Variants in NAGS observed in about 807,000 individuals in gnomAD.
The protein encoded by NAGS is N-acetylglutamate synthase, mitochondrial.
Under a neutral mutation model 46.9 loss-of-function variants are expected in NAGS, and 34 were observed. The ratio of observed to expected loss-of-function variants is 0.72; its 90% CI spans 0.55 to 0.97. NAGS has a LOEUF of 0.97. Ranked by LOEUF, NAGS falls within the 50% of genes least tolerant of loss-of-function variation. NAGS has a pLI of 0.00. For missense variants in NAGS, 665 were observed against 747.0 expected (o/e 0.89, Z 1.28); for synonymous variants, 334 against 346.3 (o/e 0.96, Z 0.39).
Position 44,006,166 on chromosome 17 carries a change from GC to G in NAGS, c.846del (p.Lys283ArgfsTer25). 6.2e-7 allele frequency: 1 copy of G among 1,613,412 alleles called. No individual in the cohort carries two copies. The highest frequency in any genetic ancestry group is 8.5e-7 in the Non-Finnish European group (1 of 1,180,004). On this transcript the variant is annotated frameshift_variant, in exon 3 of 7. Transcript: ENST00000293404. LOFTEE classifies it high-confidence loss of function. The surrounding 1 kb of genome is among the most constrained non-coding windows in gnomAD (Gnocchi z 4.8). ...LDSLEVTASL[A>X]KALRPTKIIF... ...CTCCCTGGAGGTGACCGCGTCGCTGGCCAAGGCGCTGCGGCCCACCAAAATC... is the reference window on the plus strand; with the variant it reads ...CTCCCTGGAGGTGACCGCGTCGCTGGCAAGGCGCTGCGGCCCACCAAAATC...
In NAGS at chr17:44,005,035, C is replaced by A; in HGVS notation, c.372C>A (p.Leu124=). The change falls in exon 1 of 7, where the codon CTC becomes CTA. Residue 124 remains leucine, a synonymous_variant. Transcript: ENST00000293404. The surrounding 1 kb of genome is among the most constrained non-coding windows in gnomAD (Gnocchi z 7.2). ...GCCCTGGGGAGGCGCGCCACTGGCT[C>A]ACGCAGTTCCAGACCTGCCATCACT... ...GASPGEARHW[L]TQFQTCHHSA... is the part of the protein sequence containing the mutation. 6.4e-7 allele frequency: 1 copy of A among 1,569,032 alleles called. No homozygotes were observed. The highest frequency in any genetic ancestry group is 8.6e-7 in the Non-Finnish European group (1 of 1,162,736).
chr17:44,007,556 A>G lies in NAGS; in HGVS notation c.1269-35A>G. On this transcript the variant is annotated intron_variant, in intron 5 of 6. Coordinates refer to ENST00000293404, the MANE Select transcript of NAGS (RefSeq NM_153006.3). This position sits in a 1 kb window ranked among gnomAD's most constrained non-coding sequence, Gnocchi z 5.1. The stretch of plus-strand genomic sequence containing the variant: ...GCAGTCGGGCAGCTTCGGACCAAGG[A>G]GAGGTCCCAGCCTGCCGCTCTCCCG... 6.2e-7 allele frequency: 1 copy of G among 1,611,858 alleles called. No individual in the cohort carries two copies. The highest frequency in any genetic ancestry group is 8.5e-7 in the Non-Finnish European group (1 of 1,179,322).
chr17:44,007,205 A>T lies in NAGS; in HGVS notation c.1097-118A>T. ...CTATGCAGACCACTGAAATCATTTC[A>T]CTGTGGAGGTCTCCCAAAGACGGAA... On this transcript the variant is annotated intron_variant, in intron 4 of 6. Coordinates refer to ENST00000293404, the MANE Select transcript of NAGS (RefSeq NM_153006.3). The surrounding 1 kb of genome is among the most constrained non-coding windows in gnomAD (Gnocchi z 5.1). 1.2e-6 allele frequency: 1 copy of T among 863,538 alleles called. No individual in the cohort carries two copies. Among genetic ancestry groups the T allele is most frequent in the Non-Finnish European group, 1.8e-6 (1 of 556,658 alleles). The allele number at this position is 863,538 out of a possible 1,614,324, so 53.5% of individuals were successfully genotyped here.
Position 44,006,358 on chromosome 17 carries a change from G to C in NAGS, c.915+121G>C. On this transcript the variant is annotated intron_variant, in intron 3 of 6. Transcript: ENST00000293404. This position sits in a 1 kb window ranked among gnomAD's most constrained non-coding sequence, Gnocchi z 4.8. ...AAGCCGGGTGGGTAGAAAAGCCTAA[G>C]GGAGTATAGGGGAGGAGTTCAGCCC... 1 of 1,450,300 alleles carries C rather than the reference G, an allele frequency of 6.9e-7. No homozygotes were observed. Among genetic ancestry groups the C allele is most frequent in the Non-Finnish European group, 9.5e-7 (1 of 1,058,056 alleles). The allele number at this position is 1,450,300 out of a possible 1,614,324, so 89.8% of individuals were successfully genotyped here.
rs771999272 is a variant in NAGS, at chr17:44,004,756, G to C, written c.93G>C (p.Leu31=). Residue 31 remains leucine (L), a synonymous_variant, in exon 1 of 7, where the codon CTG becomes CTC. Transcript: ENST00000293404. The part of the protein sequence containing the change: ...GRGGTGGARR[L]SCGARRRAAR... Reference sequence around the variant, plus strand: ...GAGGCACTGGGGGCGCCCGAAGGCTGAGCTGTGGCGCGCGGCGGCGGGCGG... The same window carrying C: ...GAGGCACTGGGGGCGCCCGAAGGCTCAGCTGTGGCGCGCGGCGGCGGGCGG... 7.0e-7 allele frequency: 1 copy of C among 1,422,182 alleles called. No individual in the cohort carries two copies. Among genetic ancestry groups the C allele is most frequent in the Non-Finnish European group, 9.1e-7 (1 of 1,092,990 alleles). The allele number at this position is 1,422,182 out of a possible 1,614,324, so 88.1% of individuals were successfully genotyped here. A position where few individuals can be genotyped will look rare whatever the true frequency, so the allele number is the denominator to read the frequency against.
At position 44,006,139 on chromosome 17, in the gene NAGS, G is replaced by A. The variant is rs375437238; in HGVS notation, c.817G>A (p.Asp273Asn). 3.7e-6 allele frequency: 6 copies of A among 1,613,020 alleles called. No individual in the cohort carries two copies. Among genetic ancestry groups the A allele is most frequent in the Non-Finnish European group, 3.4e-6 (4 of 1,179,932 alleles). ...ETAARRSVLL[D>N]SLEVTASLAK... ...GGCCGCGCGCCGCTCCGTGCTTCTC[G>A]ACTCCCTGGAGGTGACCGCGTCGCT... The change falls in exon 3 of 7, where the codon GAC (aspartate) becomes AAC (asparagine). Residue 273 changes from aspartate (D) to asparagine (N), a missense_variant. Physicochemically the swap from Asp to Asn is conservative, Grantham distance 23 (BLOSUM62 1). Coordinates refer to ENST00000293404, the MANE Select transcript of NAGS (RefSeq NM_153006.3). The surrounding 1 kb of genome is among the most constrained non-coding windows in gnomAD (Gnocchi z 4.8).
rs539061299 is a variant in NAGS at position 44,005,744 on chromosome 17, G to A, written c.534G>A (p.Pro178=). The change falls in exon 2 of 7, where the codon CCG becomes CCA. Residue 178 remains proline (P), a synonymous_variant. Transcript: ENST00000293404. The surrounding 1 kb of genome is among the most constrained non-coding windows in gnomAD (Gnocchi z 7.2). ...DMKPLVVLGL[P]APTAPSGCLS... ...AGCCGCTGGTGGTCCTGGGGCTGCC[G>A]GCCCCTACGGCTCCCTCGGGCTGTC... 3.3e-5 allele frequency: 53 copies of A among 1,591,428 alleles called. No individual in the cohort carries two copies. In the East Asian group the frequency reaches 8.4e-4, roughly 25 times the overall value.
At position 44,006,788 on chromosome 17, in the gene NAGS, G is replaced by C; in HGVS notation, c.1096+79G>C. On this transcript the variant is annotated intron_variant, in intron 4 of 6. Coordinates refer to ENST00000293404, the MANE Select transcript of NAGS (RefSeq NM_153006.3). The surrounding 1 kb of genome is among the most constrained non-coding windows in gnomAD (Gnocchi z 4.8). ...GGCTGGGTGTCTGCGGTCAGGAGGA[G>C]CGGCTTCTCCTCCTGTCCAGGAGCC... The C allele has an allele frequency of 6.9e-7, 1 of 1,450,312 alleles. No individual in the cohort carries two copies. Among genetic ancestry groups the C allele is most frequent in the Non-Finnish European group, 9.3e-7 (1 of 1,078,830 alleles). 89.8% of individuals were successfully genotyped at this position (1,450,312 alleles called of 1,614,324 possible).
Position 44,008,722 on chromosome 17 carries a change from C to A in NAGS, c.*121C>A. The A allele has an allele frequency of 7.4e-7, 1 of 1,357,368 alleles. No individual in the cohort carries two copies. Among genetic ancestry groups the A allele is most frequent in the Non-Finnish European group, 1.0e-6 (1 of 956,922 alleles). 84.1% of individuals were successfully genotyped at this position (1,357,368 alleles called of 1,614,324 possible). A position where few individuals can be genotyped will look rare whatever the true frequency, so the allele number is the denominator to read the frequency against. ...GGGGGCTTGTTGGCTGAGTGATCTG[C>A]AGAGGAGAAAGCAGCCCCAGCTCTG... is the stretch of plus-strand genomic sequence containing the variant. On this transcript the variant is annotated 3_prime_UTR_variant, in exon 7 of 7. Coordinates refer to ENST00000293404, the MANE Select transcript of NAGS (RefSeq NM_153006.3).
Position 44,006,419 on chromosome 17 carries a change from C to A in NAGS, c.916-110C>A, listed in dbSNP as rs1340744706. 2.1e-5 allele frequency: 31 copies of A among 1,500,482 alleles called. No individual in the cohort carries two copies. The South Asian group carries it at 2.9e-4, about 14-fold the overall frequency. The allele number at this position is 1,500,482 out of a possible 1,614,324, so 92.9% of individuals were successfully genotyped here. On this transcript the variant is annotated intron_variant, in intron 3 of 6. Transcript: ENST00000293404. The surrounding 1 kb of genome is among the most constrained non-coding windows in gnomAD (Gnocchi z 4.8). ...GATCTGCGCCCTCCCTGGCTAAGGA[C>A]TCCGGGCGGAAGTAAGGATAAAGGG...
At position 44,004,886 on chromosome 17, in the gene NAGS, G is replaced by A. The variant is rs1057420650; in HGVS notation, c.223G>A (p.Ala75Thr). 1 of 1,532,176 alleles carries A rather than the reference G, an allele frequency of 6.5e-7. No homozygotes were observed. The allele number at this position is 1,532,176 out of a possible 1,614,324, so 94.9% of individuals were successfully genotyped here. ...GGACGACGTCTCCCAGTCGCCCGTC[G>A]CCGAGGAGCCGTCGTGGGTGCCGAG... is the stretch of plus-strand genomic sequence containing the variant. ...GADDVSQSPV[A>T]EEPSWVPSPR... is the part of the protein sequence containing the mutation. The change falls in exon 1 of 7, where the codon GCC becomes ACC. Residue 75 changes from alanine (A) to threonine (T), a missense_variant. Coordinates refer to ENST00000293404, the MANE Select transcript of NAGS (RefSeq NM_153006.3).
Position 44,006,120 on chromosome 17 carries a change from G to A in NAGS, c.798G>A (p.Ala266=), listed in dbSNP as rs1259851618. ...TGTGCCCCATCGGGGAGACGGCCGCGCGCCGCTCCGTGCTTCTCGACTCCC... is the reference window on the plus strand; with the variant it reads ...TGTGCCCCATCGGGGAGACGGCCGCACGCCGCTCCGTGCTTCTCGACTCCC... ...PILCPIGETA[A]RRSVLLDSLE... The change falls in exon 3 of 7, where the codon GCG becomes GCA. Residue 266 remains alanine (A), a synonymous_variant. Transcript: ENST00000293404. The surrounding 1 kb of genome is among the most constrained non-coding windows in gnomAD (Gnocchi z 4.8). The A allele has an allele frequency of 4.3e-6, 7 of 1,613,056 alleles. No homozygotes were observed. The highest frequency in any genetic ancestry group is 2.2e-5 in the South Asian group (2 of 91,054).
Position 44,007,793 on chromosome 17 carries a change from G to T in NAGS, c.1451+20G>T. The T allele has an allele frequency of 6.4e-7, 1 of 1,570,084 alleles. No homozygotes were observed. The highest frequency in any genetic ancestry group is 8.6e-7 in the Non-Finnish European group (1 of 1,156,114). On this transcript the variant is annotated intron_variant, in intron 6 of 6. Transcript: ENST00000293404. This position sits in a 1 kb window ranked among gnomAD's most constrained non-coding sequence, Gnocchi z 5.1. The stretch of plus-strand genomic sequence containing the variant: ...TCCCTGGTAGGTCCTGCCACTCCCA[G>T]CTCTGGGCTGGGCCCTGACTTCCCT...
chr17:44,006,255 A>G lies in NAGS; in HGVS notation c.915+18A>G, dbSNP rs1470219186. 6.2e-7 allele frequency: 1 copy of G among 1,609,724 alleles called. No homozygotes were observed. The highest frequency in any genetic ancestry group is 1.7e-5 in the Admixed American group (1 of 59,722). Reference sequence around the variant, plus strand: ...GTCATAAGGTGCGGCCCTTTCTTTCACCTTCCCCCACGCCGGCGATCCGGG... The same window carrying G: ...GTCATAAGGTGCGGCCCTTTCTTTCGCCTTCCCCCACGCCGGCGATCCGGG... On this transcript the variant is annotated intron_variant, in intron 3 of 6. Coordinates refer to ENST00000293404, the MANE Select transcript of NAGS (RefSeq NM_153006.3). The surrounding 1 kb of genome is among the most constrained non-coding windows in gnomAD (Gnocchi z 4.8).
In NAGS at chr17:44,006,739, GT is replaced by G. The variant is rs761297600; in HGVS notation, c.1096+31del. On this transcript the variant is annotated intron_variant, in intron 4 of 6. Coordinates refer to ENST00000293404, the MANE Select transcript of NAGS (RefSeq NM_153006.3). This position sits in a 1 kb window ranked among gnomAD's most constrained non-coding sequence, Gnocchi z 4.8. ...GGGCGGTGGGCGGGCCGGGGACTGG[GT>G]CCCGGGAGTGAGTACTGGCCGGGGC... is the stretch of plus-strand genomic sequence containing the variant. 6.4e-7 allele frequency: 1 copy of G among 1,572,588 alleles called. No homozygotes were observed. The highest frequency in any genetic ancestry group is 1.2e-5 in the South Asian group (1 of 86,186).
In NAGS at chr17:44,007,235, T is replaced by A; in HGVS notation, c.1097-88T>A. ...GGAGGTCTCCCAAAGACGGAAATTG[T>A]CCCACCAGCGCCTGTCCTACCTGCA... On this transcript the variant is annotated intron_variant, in intron 4 of 6. Transcript: ENST00000293404. The surrounding 1 kb of genome is among the most constrained non-coding windows in gnomAD (Gnocchi z 5.1). The A allele has an allele frequency of 7.8e-7, 1 of 1,288,098 alleles. No individual in the cohort carries two copies. The allele number at this position is 1,288,098 out of a possible 1,614,324, so 79.8% of individuals were successfully genotyped here. A position where few individuals can be genotyped will look rare whatever the true frequency, so the allele number is the denominator to read the frequency against.
chr17:44,007,903 C>A lies in NAGS; in HGVS notation c.1451+130C>A, dbSNP rs1309010962. ...TCTCCCTTTCACTACCTCCCAGGGG[C>A]AGAACACACAGAAAGCCTGAGATTT... is the stretch of plus-strand genomic sequence containing the variant. On this transcript the variant is annotated intron_variant, in intron 6 of 6. Coordinates refer to ENST00000293404, the MANE Select transcript of NAGS (RefSeq NM_153006.3). The surrounding 1 kb of genome is among the most constrained non-coding windows in gnomAD (Gnocchi z 5.1). 3 of 924,216 alleles carry A rather than the reference C, an allele frequency of 3.2e-6. No individual in the cohort carries two copies. The highest frequency in any genetic ancestry group is 5.1e-6 in the Non-Finnish European group (3 of 591,190). 57.3% of individuals were successfully genotyped at this position (924,216 alleles called of 1,614,324 possible).
rs2143993807 is a variant in NAGS at position 44,008,608 on chromosome 17, C to T, written c.*7C>T. ...TTCTGACCCAGGCAGCTGACCCTCA[C>T]CATGGACACTACAGGCCCTGGAATG... On this transcript the variant is annotated 3_prime_UTR_variant, in exon 7 of 7. Coordinates refer to ENST00000293404, the MANE Select transcript of NAGS (RefSeq NM_153006.3). 6.2e-7 allele frequency: 1 copy of T among 1,613,382 alleles called. No homozygotes were observed.
Position 44,007,746 on chromosome 17 carries a change from C to G in NAGS, c.1424C>G (p.Ser475Cys). Residue 475 changes from serine (S) to cysteine (C), a missense_variant, in exon 6 of 7, where the codon TCC becomes TGC. Transcript: ENST00000293404. This position sits in a 1 kb window ranked among gnomAD's most constrained non-coding sequence, Gnocchi z 5.1. ...GACCTTCAGACACTTTTCTGGCGCT[C>G]CCGGGTCACCAACCCCATCAATCCC... ...RRDLQTLFWR[S>C]RVTNPINPWY... 6.3e-7 allele frequency: 1 copy of G among 1,588,698 alleles called. No individual in the cohort carries two copies.
Sources: allele counts gnomAD v4.1 joint callset, GRCh38; gene constraint gnomAD v4.1.1; non-coding constraint Gnocchi (gnomAD v3.1); transcripts MANE v1.5; gene names NCBI Gene and HGNC (gene_info 2026-07-23, HGNC 2026-07-21).